The following NOC3L variants were observed in gnomAD, a reference collection of about 807,000 sequenced individuals.
NOC3L encodes nucleolar complex protein 3 homolog.
NOC3L carries 85 observed loss-of-function variants against 102.5 expected under a neutral mutation model. The observed-to-expected ratio is 0.83, with a 90% CI of 0.70 to 0.99. NOC3L has a LOEUF of 0.99. Ranked by LOEUF, NOC3L falls within the 50% of genes least tolerant of loss-of-function variation. NOC3L has a pLI of 0.00. For missense variants in NOC3L, 878 were observed against 914.9 expected (o/e 0.96, Z 0.52); for synonymous variants, 303 against 309.4 (o/e 0.98, Z 0.22).
chr10:94,357,281 TA>T lies in NOC3L; in HGVS notation c.400del (p.Tyr134MetfsTer16). On this transcript the variant is annotated frameshift_variant, in exon 4 of 21. Coordinates refer to ENST00000371361, the MANE Select transcript of NOC3L (RefSeq NM_022451.11). LOFTEE classifies it high-confidence loss of function. ...TTGCAGAGTTCTTGGTATTTTTTCATATTTATCTATAATGCGTTCATGCTTC... is the reference window on the plus strand; with the variant it reads ...TTGCAGAGTTCTTGGTATTTTTTCATTTTATCTATAATGCGTTCATGCTTC... ...KRKHERIIDK[Y>X]EKIPRTLQTA... 1 of 1,607,076 alleles carries T rather than the reference TA, an allele frequency of 6.2e-7. No homozygotes were observed. Among genetic ancestry groups the T allele is most frequent in the Non-Finnish European group, 8.5e-7 (1 of 1,176,620 alleles).
chr10:94,321,646 A>C, the NOC3L span, among the ~76,000 whole-genome samples: 14 of 149,078 alleles, frequency 9.4e-5, no homozygotes, highest in South Asian at 4.3e-4. Flanking sequence ...AAAAAAAAAA[A>C]CCCACAGCTA....
chr10:94,338,434 A>G (rs1374128812), intron 18 of NOC3L, among the ~76,000 whole-genome samples, 174 bp downstream of exon 18: 1 of 152,240 alleles, frequency 6.6e-6, no homozygotes, highest in Non-Finnish European at 1.5e-5. Flanking sequence ...TCAACAGCTT[A>G]AAGAATAGTA....
In NOC3L at chr10:94,357,321, G is replaced by C. The variant is rs2054500014; in HGVS notation, c.361C>G (p.His121Asp). The C allele has an allele frequency of 1.3e-6, 2 of 1,593,826 alleles. No individual in the cohort carries two copies. The highest frequency in any genetic ancestry group is 8.5e-7 in the Non-Finnish European group (1 of 1,170,888). Residue 121 changes from histidine (H) to aspartate (D), a missense_variant, in exon 4 of 21, where the codon CAT becomes GAT. By Grantham distance (81) the His-to-Asp change is moderately conservative. Transcript: ENST00000371361. The stretch of plus-strand genomic sequence containing the variant: ...CGTTCATGCTTCCGTTTCTTCGCAT[G>C]AACAGGCTCACTGCAGGGGAAAAAA... ...TRDLSSSEPV[H>D]AKKRKHERII...
At chr10:94,318,625 C>T in the NOC3L span, among the ~76,000 whole-genome samples, 1 of 152,276 alleles carries the variant, frequency 6.6e-6, no homozygotes, top group Non-Finnish European at 1.5e-5. Context: ...TTGTGGATCA[C>T]CCACACTCAG....
In NOC3L at chr10:94,346,539, T is replaced by G; in HGVS notation, c.1275A>C (p.Leu425Phe). The change falls in exon 11 of 21, where the codon TTA becomes TTC. Residue 425 changes from leucine to phenylalanine, a missense_variant. Transcript: ENST00000371361. ...EVRPEMLKTF[L>F]CLRIKEVEVK... ...CTTCTACTTCCTTGATTCTTAGGCATAAAAATGTTTTTAACATCTAATATT... is the reference window on the plus strand; with the variant it reads ...CTTCTACTTCCTTGATTCTTAGGCAGAAAAATGTTTTTAACATCTAATATT... The G allele has an allele frequency of 7.1e-7, 1 of 1,410,152 alleles. No homozygotes were observed. Among genetic ancestry groups the G allele is most frequent in the Non-Finnish European group, 9.5e-7 (1 of 1,053,368 alleles). The allele number at this position is 1,410,152 out of a possible 1,614,324, so 87.4% of individuals were successfully genotyped here.
chr10:94,328,743 C>CTTT (rs1422846710), downstream of NOC3L: 1 of 151,998 alleles, frequency 6.6e-6, no homozygotes, highest in Non-Finnish European at 1.5e-5. Flanking sequence ...GTGCACTCCT[C>CTTT]TTTAGGATTT....
intron 10 of NOC3L, among the ~76,000 whole-genome samples, chr10:94,347,612 T>C (rs11187898): frequency 2.0e-5 from 3 of 152,068 alleles, no homozygotes; most frequent in Non-Finnish European, 4.4e-5. Flanking sequence ...TAAAAAGGAA[T>C]CTGATGCCAA....
intron 6 of NOC3L, among the ~76,000 whole-genome samples, chr10:94,353,311 G>T (rs191833625): frequency 2.0e-5 from 3 of 152,318 alleles, no homozygotes; most frequent in East Asian, 3.9e-4. Flanking sequence ...AAGAAAAGAG[G>T]TTTATTTTGG....
At chr10:94,349,714 G>A (rs982631554) in intron 9 of NOC3L, among the ~76,000 whole-genome samples, 1 of 81,486 alleles carries the variant, frequency 1.2e-5, no homozygotes, top group African/African-American at 3.3e-5. Context: ...GAAGAATTTT[G>A]TAGGGGGAAA....
the NOC3L span, chr10:94,316,600 G>A: frequency 6.2e-7 from 1 of 1,608,390 alleles, no homozygotes; most frequent in Admixed American, 1.7e-5. Context: ...ATTTTTTGAT[G>A]GAAGAAAAAT....
chr10:94,340,437 T>C lies in NOC3L; in HGVS notation c.1704A>G (p.Gly568=). ...TTGATTAAGAAAATATCATACCTTG[T>C]CCAGAAAGAATATGAAAAGCAGTCT... ...CVQTAFHILS[G]QGDVLNIDPL... Residue 568 remains glycine, a synonymous_variant, in exon 15 of 21, where the codon GGA becomes GGG. Transcript: ENST00000371361. 3 of 1,371,292 alleles carry C rather than the reference T, an allele frequency of 2.2e-6. No homozygotes were observed. The highest frequency in any genetic ancestry group is 4.4e-5 in the East Asian group (1 of 22,584). The allele number at this position is 1,371,292 out of a possible 1,614,324, so 84.9% of individuals were successfully genotyped here.
chr10:94,337,905 C>T (rs2054240677), intron 18 of NOC3L, 31 bp from the exon 19 acceptor site: 3 of 1,491,032 alleles, frequency 2.0e-6, no homozygotes, highest in East Asian at 4.5e-5. Flanking sequence ...TCACATTCTG[C>T]ACAGGTCAGT....
chr10:94,340,125 G>A (rs1390659444), intron 16 of NOC3L, 151 bp downstream of exon 16: 2 of 779,058 alleles, frequency 2.6e-6, no homozygotes, highest in African/African-American at 3.5e-5. Flanking sequence ...CTTTCTCCAA[G>A]TCTTACATAA....
At position 94,356,553 on chromosome 10, in the gene NOC3L, CTTCTT is replaced by C. The variant is rs1262601443; in HGVS notation, c.542_546del (p.Glu181GlyfsTer5). 4.4e-6 allele frequency: 7 copies of C among 1,584,266 alleles called. No homozygotes were observed. Among genetic ancestry groups the C allele is most frequent in the African/African-American group, 2.7e-5 (2 of 74,296 alleles). On this transcript the variant is annotated frameshift_variant, in exon 5 of 21. Transcript: ENST00000371361. LOFTEE classifies it high-confidence loss of function. ...ATATTACCTTCCTCAAGTTCCCTCT[CTTCTT>C]CTTGATCCTCTTCATCTTTGTTACT...
intron 6 of NOC3L, among the ~76,000 whole-genome samples, chr10:94,354,133 C>A (rs1394656948): frequency 6.6e-6 from 1 of 152,188 alleles, no homozygotes; most frequent in Non-Finnish European, 1.5e-5. Flanking sequence ...TAATTCTGCT[C>A]TAGATCTTCC....
chr10:94,362,831 G>T lies in NOC3L; in HGVS notation c.8C>A (p.Ala3Glu). Residue 3 changes from alanine to glutamate, a missense_variant and splice_region_variant, in exon 1 of 21, where the codon GCG becomes GAG. Ala to Glu is a moderately radical substitution (Grantham distance 107). Coordinates refer to ENST00000371361, the MANE Select transcript of NOC3L (RefSeq NM_022451.11). The part of the protein sequence containing the change: MK[A>E]RRNKKQIPSF... ...GACCGGGCTTTTGAGGACACTTACC[G>T]CCTTCATCCTTAGGCCTTAAATGAA... is the stretch of plus-strand genomic sequence containing the variant. 1.9e-6 allele frequency: 3 copies of T among 1,614,054 alleles called. No individual in the cohort carries two copies. The highest frequency in any genetic ancestry group is 2.5e-6 in the Non-Finnish European group (3 of 1,180,030).
intron 2 of NOC3L, among the ~76,000 whole-genome samples, chr10:94,359,913 A>G (rs2054533152): frequency 6.6e-6 from 1 of 152,236 alleles, no homozygotes; most frequent in African/African-American, 2.4e-5. Flanking sequence ...AATCCAAAAA[A>G]AAGAAATCAG....
chr10:94,327,479 G>A, the NOC3L span, among the ~76,000 whole-genome samples: 1 of 152,198 alleles, frequency 6.6e-6, no homozygotes, highest in Non-Finnish European at 1.5e-5. Context: ...GGAGGCTGAG[G>A]CAGGAGAATT....
At position 94,349,294 on chromosome 10, in the gene NOC3L, T is replaced by C. The variant is rs777269159; in HGVS notation, c.1213A>G (p.Ile405Val). ...GQASLGVIKV[I>V]SGFVKGRNYE... is the part of the protein sequence containing the mutation. ...TTTCTGCCCTTCACAAAACCAGAAA[T>C]CACTTTAATTACACCAAGAGAAGCT... Residue 405 changes from isoleucine (I) to valine (V), a missense_variant, in exon 10 of 21, where the codon ATT (isoleucine) becomes GTT (valine). Transcript: ENST00000371361. The C allele has an allele frequency of 3.8e-6, 6 of 1,586,562 alleles. No individual in the cohort carries two copies. The highest frequency in any genetic ancestry group is 1.4e-5 in the African/African-American group (1 of 72,646).
Sources: allele counts gnomAD v4.1 joint callset (sites outside exome capture counted in the v4.1 genomes callset), GRCh38; gene constraint gnomAD v4.1.1; transcripts MANE v1.5; gene names NCBI Gene and HGNC (gene_info 2026-07-23, HGNC 2026-07-21).